Variants in CFAP210 observed in about 807,000 individuals in gnomAD.
The protein encoded by CFAP210 is cilia- and flagella- associated protein 210.
chr2:169,694,178 C>T, the CFAP210 span: 1 of 1,326,612 alleles, frequency 7.5e-7, no homozygotes, highest in East Asian at 2.3e-5. Flanking sequence ...GCAACTGAAG[C>T]CCTCATTCGG....
the CFAP210 span, chr2:169,674,753 C>G: frequency 6.3e-7 from 1 of 1,577,378 alleles, no homozygotes; most frequent in Non-Finnish European, 8.6e-7. Context: ...CATAACTCTA[C>G]TAAGAAGAAG....
the CFAP210 span, among the ~76,000 whole-genome samples, chr2:169,660,492 T>C: frequency 2.0e-5 from 3 of 151,544 alleles, no homozygotes; most frequent in African/African-American, 7.3e-5. Context: ...TTTATTTTCT[T>C]CTACTAATTT....
the CFAP210 span, among the ~76,000 whole-genome samples, chr2:169,671,588 C>T: frequency 6.6e-6 from 1 of 152,172 alleles, no homozygotes; most frequent in Non-Finnish European, 1.5e-5. Flanking sequence ...CTTGCCTCAG[C>T]CTCCTGAGTA....
chr2:169,655,991 T>C, the CFAP210 span, among the ~76,000 whole-genome samples: 1 of 152,222 alleles, frequency 6.6e-6, no homozygotes, highest in East Asian at 1.9e-4. Flanking sequence ...AAAGACTACA[T>C]GTGCAGCTTT....
the CFAP210 span, among the ~76,000 whole-genome samples, chr2:169,656,382 GGAGGAA>G: frequency 9.5e-6 from 1 of 105,704 alleles, no homozygotes; most frequent in Non-Finnish European, 2.2e-5. Context: ...AGAGGAAAGA[GGAGGAA>G]GAGGAGGAGG....
the CFAP210 span, among the ~76,000 whole-genome samples, chr2:169,685,852 A>G: frequency 0.41 from 61,606 of 151,514 alleles, 12,839 homozygotes; most frequent in Non-Finnish European, 0.44. Context: ...CACTTATCCC[A>G]GCACCATTTG....
chr2:169,651,572 C>T, the CFAP210 span, among the ~76,000 whole-genome samples: 39 of 151,814 alleles, frequency 2.6e-4, no homozygotes, highest in African/African-American at 9.4e-4. Context: ...CCAGGCTGGT[C>T]TTGAACTCTT....
chr2:169,674,552 A>C, the CFAP210 span: 2 of 1,524,302 alleles, frequency 1.3e-6, no homozygotes, highest in South Asian at 2.6e-5. Flanking sequence ...GAAAGGTACA[A>C]AAAGGTATTT....
the CFAP210 span, among the ~76,000 whole-genome samples, chr2:169,690,928 G>T: frequency 9.3e-3 from 1,419 of 152,176 alleles, 30 homozygotes; most frequent in African/African-American, 0.033. Flanking sequence ...CCTTTTGATT[G>T]TGTGATGTTT....
At chr2:169,665,286 T>A in the CFAP210 span, among the ~76,000 whole-genome samples, 1 of 137,536 alleles carries the variant, frequency 7.3e-6, no homozygotes, top group Non-Finnish European at 1.6e-5. Flanking sequence ...CATTCTTTCA[T>A]TTTTAAAAAC....
At chr2:169,686,810 T>C in the CFAP210 span, among the ~76,000 whole-genome samples, 1 of 152,136 alleles carries the variant, frequency 6.6e-6, no homozygotes, top group Non-Finnish European at 1.5e-5. Flanking sequence ...AGGGGACAAA[T>C]ATTCAAACCA....
chr2:169,672,809 C>T, the CFAP210 span, among the ~76,000 whole-genome samples: 1 of 152,152 alleles, frequency 6.6e-6, no homozygotes, highest in Non-Finnish European at 1.5e-5. Flanking sequence ...GTGACACCCT[C>T]ACAGACACAC....
the CFAP210 span, among the ~76,000 whole-genome samples, chr2:169,657,743 T>A: frequency 1.3e-5 from 2 of 151,124 alleles, no homozygotes; most frequent in Non-Finnish European, 3.0e-5. Context: ...AAAAAAAAAA[T>A]AAGAAAGAAA....
chr2:169,672,789 G>T, the CFAP210 span, among the ~76,000 whole-genome samples: 1 of 152,070 alleles, frequency 6.6e-6, no homozygotes, highest in South Asian at 2.1e-4. Flanking sequence ...TCAAATGTCT[G>T]TCTCCTCTGG....
At chr2:169,648,568 A>T in the CFAP210 span, among the ~76,000 whole-genome samples, 2 of 152,238 alleles carry the variant, frequency 1.3e-5, no homozygotes, top group African/African-American at 4.8e-5. Flanking sequence ...AGGTATGCAG[A>T]TGGCTAGCAA....
chr2:169,681,661 T>C, the CFAP210 span, among the ~76,000 whole-genome samples: 62 of 152,332 alleles, frequency 4.1e-4, no homozygotes, highest in Non-Finnish European at 6.6e-4. Flanking sequence ...CTCAACCTCT[T>C]CCCACTGAGC....
At chr2:169,685,801 A>G in the CFAP210 span, among the ~76,000 whole-genome samples, 1 of 151,352 alleles carries the variant, frequency 6.6e-6, no homozygotes, top group Non-Finnish European at 1.5e-5. Flanking sequence ...AGGTGTCTAT[A>G]AATTTGGGAG....
chr2:169,649,397 T>G, the CFAP210 span: 2 of 1,521,050 alleles, frequency 1.3e-6, no homozygotes, highest in Non-Finnish European at 1.8e-6. Context: ...TAGCAACCAG[T>G]CTTGTCTGAA....
At chr2:169,688,052 C>A in the CFAP210 span, among the ~76,000 whole-genome samples, 1 of 152,240 alleles carries the variant, frequency 6.6e-6, no homozygotes, top group Admixed American at 6.5e-5. Context: ...CCCCTTTCAG[C>A]CATGGCTGGA....
Sources: allele counts gnomAD v4.1 joint callset (sites outside exome capture counted in the v4.1 genomes callset), GRCh38; gene constraint gnomAD v4.1.1; transcripts MANE v1.5; gene names NCBI Gene and HGNC (gene_info 2026-07-23, HGNC 2026-07-21).